PTPRD: variants seen among roughly 807,000 people sequenced by gnomAD.
PTPRD encodes protein tyrosine phosphatase receptor type D, also known as receptor-type tyrosine-protein phosphatase delta.
Under a neutral mutation model 214.5 loss-of-function variants are expected in PTPRD, and 34 were observed. The observed-to-expected ratio is 0.16, with a 90% confidence interval of 0.12 to 0.21. The LOEUF (loss-of-function observed/expected upper bound fraction) is 0.21. PTPRD is among the 10% of genes least tolerant of loss of function. The probability of loss-of-function intolerance (pLI) is 1.00; values close to 1 mark genes in which losing one functional copy is unlikely to be tolerated. For synonymous variants in PTPRD, 1,128 were observed against 845.7 expected, an observed-to-expected ratio of 1.33 and a Z score of -5.79; for missense variants, 2,545 against 2,398.7, an observed-to-expected ratio of 1.06 and a Z score of -1.27.
chr9:9,393,375 T>C (rs945152630), intron 9 of PTPRD, among the ~76,000 whole-genome samples: 1 of 152,184 alleles, frequency 6.6e-6, no homozygotes, highest in African/African-American at 2.4e-5. Flanking sequence ...CTGAGCTGCA[T>C]GCTATGCGAA....
chr9:8,774,412 C>G (rs538623260), intron 11 of PTPRD, among the ~76,000 whole-genome samples: 2 of 150,142 alleles, frequency 1.3e-5, no homozygotes, highest in African/African-American at 4.9e-5. Context: ...AGAGAGCTGA[C>G]AAGATGAAGA....
intron 8 of PTPRD, among the ~76,000 whole-genome samples, chr9:9,398,576 C>G (rs2068826243): frequency 6.6e-6 from 1 of 151,758 alleles, no homozygotes; most frequent in Admixed American, 6.6e-5. Flanking sequence ...GTAATATACC[C>G]TATGAACAAA....
chr9:9,739,793 T>C (rs1003495650), intron 6 of PTPRD, among the ~76,000 whole-genome samples: 4 of 151,828 alleles, frequency 2.6e-5, no homozygotes, highest in Non-Finnish European at 4.4e-5. Flanking sequence ...GATAGATACT[T>C]ATATTATTTT....
At chr9:9,208,178 C>G (rs10081708) in intron 9 of PTPRD, among the ~76,000 whole-genome samples, 8 of 151,538 alleles carry the variant, frequency 5.3e-5, no homozygotes, top group Non-Finnish European at 1.0e-4. Flanking sequence ...CCACGCCCGG[C>G]TAATTTTTTG....
chr9:9,276,899 C>G (rs1215946424), intron 9 of PTPRD, among the ~76,000 whole-genome samples: 1 of 151,382 alleles, frequency 6.6e-6, no homozygotes, highest in African/African-American at 2.4e-5. Context: ...TGCTCTGTGT[C>G]TCTACTCATG....
intron 5 of PTPRD, among the ~76,000 whole-genome samples, chr9:9,896,660 T>G (rs73400678): frequency 0.056 from 8,483 of 152,072 alleles, 776 homozygotes; most frequent in African/African-American, 0.19. Flanking sequence ...AGAGGATCAG[T>G]CTAAGAAGCT....
intron 2 of PTPRD, among the ~76,000 whole-genome samples, chr9:10,450,651 T>G (rs547606284): frequency 1.3e-5 from 2 of 152,154 alleles, no homozygotes; most frequent in African/African-American, 4.8e-5. Flanking sequence ...TATATTTTAC[T>G]GTCTTGTTGT....
intron 9 of PTPRD, among the ~76,000 whole-genome samples, chr9:9,324,247 T>C (rs1968485380): frequency 6.6e-6 from 1 of 152,184 alleles, no homozygotes; most frequent in Admixed American, 6.5e-5. Context: ...TAGTTCCAGA[T>C]CCTTGAGGAA....
chr9:10,169,995 A>G (rs2099190553), intron 3 of PTPRD, among the ~76,000 whole-genome samples: 1 of 152,136 alleles, frequency 6.6e-6, no homozygotes, highest in East Asian at 1.9e-4. Context: ...TATGTTCTCA[A>G]TATGATACTC....
chr9:8,851,027 G>A (rs1397344234), intron 11 of PTPRD, among the ~76,000 whole-genome samples: 1 of 152,090 alleles, frequency 6.6e-6, no homozygotes, highest in Non-Finnish European at 1.5e-5. Flanking sequence ...ATCTTAGGGA[G>A]ACAGAAGGCA....
chr9:8,786,776 A>G lies in PTPRD; in HGVS notation c.-103-52830T>C, dbSNP rs149104676. Reference sequence around the variant, plus strand: ...AAAAAAGGTGGGGGGGCGGGGGGCGAGGGGTGTATTTTCATTAACAAACTG... The same window carrying G: ...AAAAAAGGTGGGGGGGCGGGGGGCGGGGGGTGTATTTTCATTAACAAACTG... On this transcript the variant is annotated intron_variant, in intron 11 of 45. Coordinates refer to ENST00000381196, the MANE Select transcript of PTPRD (RefSeq NM_002839.4). Among the ~76,000 whole-genome samples, 982 of 151,634 alleles carry G rather than the reference A, an allele frequency of 6.5e-3. 20 individuals carry two copies. The highest frequency in any genetic ancestry group is 0.052 in the East Asian group (268 of 5,122).
chr9:9,703,032 G>A lies in PTPRD; in HGVS notation c.-287+31501C>T, dbSNP rs555355296. On this transcript the variant is annotated intron_variant, in intron 7 of 45. Transcript: ENST00000381196. ...TGTGTCCCCACCCAAATCTCATCTC[G>A]AATTGTAATCCTCATAATCCTCAGG... 2.0e-5 allele frequency among the ~76,000 whole-genome samples: 3 copies of A among 152,194 alleles called. No homozygotes were observed. The East Asian group carries it at 5.8e-4, about 29-fold the overall frequency.
At chr9:9,634,017 G>A (rs570415852) in intron 7 of PTPRD, among the ~76,000 whole-genome samples, 3 of 152,172 alleles carry the variant, frequency 2.0e-5, no homozygotes, top group African/African-American at 7.2e-5. Flanking sequence ...AAATCTTTAT[G>A]ATATAGACAG....
intron 11 of PTPRD, among the ~76,000 whole-genome samples, chr9:8,955,210 C>G (rs2099124706): frequency 6.6e-6 from 1 of 151,742 alleles, no homozygotes; most frequent in Admixed American, 6.6e-5. Flanking sequence ...CCAGTGAGGT[C>G]AGAATATGAA....
chr9:10,112,451 T>C (rs1215023464), intron 3 of PTPRD, among the ~76,000 whole-genome samples: 3 of 152,040 alleles, frequency 2.0e-5, no homozygotes, highest in Non-Finnish European at 4.4e-5. Context: ...TGTCAAGCTT[T>C]AATCTTGGCA....
intron 2 of PTPRD, among the ~76,000 whole-genome samples, chr9:10,553,541 T>C (rs989829836): frequency 9.3e-5 from 14 of 150,310 alleles, no homozygotes; most frequent in Non-Finnish European, 1.3e-4. Context: ...TCTCCAAGGA[T>C]AGACATTCAC....
intron 43 of PTPRD, among the ~76,000 whole-genome samples, chr9:8,336,285 G>A (rs907617800): frequency 1.3e-5 from 2 of 148,940 alleles, no homozygotes; most frequent in South Asian, 2.1e-4. Flanking sequence ...AGAGGCCTCA[G>A]AAGTAACGCC....
chr9:9,239,373 A>AT (rs971287400), intron 9 of PTPRD, among the ~76,000 whole-genome samples: 46 of 152,206 alleles, frequency 3.0e-4, no homozygotes, highest in East Asian at 1.2e-3. Flanking sequence ...TAATACAAAC[A>AT]TTTTTGCCTG....
intron 5 of PTPRD, among the ~76,000 whole-genome samples, chr9:9,898,851 C>A (rs182479578): frequency 7.6e-4 from 115 of 152,152 alleles, no homozygotes; most frequent in African/African-American, 2.7e-3. Context: ...ATACTAAACC[C>A]ACAGGATTAA....
Sources: gnomAD v4.1 joint callset for allele counts (sites outside exome capture counted in the v4.1 genomes callset) on GRCh38, gnomAD v4.1.1 for gene constraint, MANE v1.5 for transcripts, NCBI Gene and HGNC (gene_info 2026-07-23, HGNC 2026-07-21) for gene names.